The following HIRA variants were observed in gnomAD, a reference collection of about 807,000 sequenced individuals.
The protein encoded by HIRA is protein HIRA.
Under a neutral mutation model 126.6 loss-of-function variants are expected in HIRA, and 13 were observed. That is an observed-to-expected ratio of 0.10 (90% confidence interval 0.07 to 0.16). The LOEUF (loss-of-function observed/expected upper bound fraction) is 0.16. HIRA is among the 10% of genes least tolerant of loss of function. HIRA has a pLI of 1.00. For missense variants in HIRA, 834 were observed against 1,314.4 expected, an observed-to-expected ratio of 0.63 and a Z score of 5.65; for synonymous variants, 511 against 520.0, an observed-to-expected ratio of 0.98 and a Z score of 0.24.
At chr22:19,383,192 CTG>C (rs1282725479) in intron 13 of HIRA, among the ~76,000 whole-genome samples, 1 of 151,892 alleles carries the variant, frequency 6.6e-6, no homozygotes, top group Non-Finnish European at 1.5e-5. Context: ...TTAACAGTGA[CTG>C]TATCTGATTA....
chr22:19,382,784 T>C (rs1036822396), intron 13 of HIRA, among the ~76,000 whole-genome samples: 31 of 151,560 alleles, frequency 2.0e-4, no homozygotes, highest in Admixed American at 1.9e-3. Flanking sequence ...TTTTTTTTTT[T>C]TTTTGAATCA....
intron 24 of HIRA, among the ~76,000 whole-genome samples, chr22:19,347,418 A>G (rs1009981647): frequency 3.3e-5 from 5 of 152,244 alleles, no homozygotes; most frequent in Non-Finnish European, 7.3e-5. Context: ...ATCTGAGAAG[A>G]TATCACAAGC....
intron 24 of HIRA, among the ~76,000 whole-genome samples, chr22:19,336,454 T>C (rs1255219813): frequency 6.6e-6 from 1 of 152,214 alleles, no homozygotes; most frequent in South Asian, 2.1e-4. Flanking sequence ...CAGCAATTCA[T>C]AACAGAACAA....
rs565379763 is a variant in HIRA at position 19,366,331 on chromosome 22, C to T, written c.1776-4400G>A. Among the ~76,000 whole-genome samples the T allele has an allele frequency of 3.1e-4, 47 of 152,352 alleles. 1 individual carries two copies. The highest frequency in any genetic ancestry group is 1.1e-3 in the African/African-American group (45 of 41,578). On this transcript the variant is annotated intron_variant, in intron 15 of 24. Coordinates refer to ENST00000263208, the MANE Select transcript of HIRA (RefSeq NM_003325.4). ...GAGCCGAGACCGCACCACTGCACTC[C>T]AGCCTGGGCGACAGAGCGAGACTCC...
chr22:19,350,016 C>A (rs1556010327), intron 24 of HIRA, among the ~76,000 whole-genome samples: 6 of 150,208 alleles, frequency 4.0e-5, no homozygotes, highest in Admixed American at 4.0e-4. Context: ...GAGACGGAGT[C>A]TCGCTCTATT....
chr22:19,353,184 A>G (rs2088775536), intron 23 of HIRA, among the ~76,000 whole-genome samples, 172 bp downstream of exon 23: 1 of 152,208 alleles, frequency 6.6e-6, no homozygotes, highest in Admixed American at 6.5e-5. Context: ...TCAGAGCCTC[A>G]GAGCCTATAA....
rs147029958 is a variant in HIRA, at chr22:19,335,459, G to A, written c.2938-3903C>T. On this transcript the variant is annotated intron_variant, in intron 24 of 24. Transcript: ENST00000263208. ...GGGGTTTCGCCACGTTGGCCAGGCTGGTCTTGAACTCCTGGCCTCAAGTGA... is the reference window on the plus strand; with the variant it reads ...GGGGTTTCGCCACGTTGGCCAGGCTAGTCTTGAACTCCTGGCCTCAAGTGA... Among the ~76,000 whole-genome samples, 561 of 152,238 alleles carry A rather than the reference G, an allele frequency of 3.7e-3. 4 individuals carry two copies. The highest frequency in any genetic ancestry group is 0.013 in the African/African-American group (530 of 41,536).
At chr22:19,378,453 A>G (rs1442379351) in intron 13 of HIRA, among the ~76,000 whole-genome samples, 3 of 152,220 alleles carry the variant, frequency 2.0e-5, no homozygotes, top group African/African-American at 7.2e-5. Context: ...GGTGTGCCAT[A>G]ATATACCTAA....
intron 3 of HIRA, among the ~76,000 whole-genome samples, chr22:19,408,111 C>T (rs1165834787): frequency 4.6e-5 from 7 of 152,164 alleles, no homozygotes; most frequent in Non-Finnish European, 1.0e-4. Context: ...CCAAAAGGGT[C>T]CTGGCAGAGA....
intron 15 of HIRA, among the ~76,000 whole-genome samples, chr22:19,364,516 T>A (rs577546281): frequency 3.3e-5 from 5 of 152,330 alleles, no homozygotes; most frequent in South Asian, 4.1e-4. Flanking sequence ...TTTTGATAAT[T>A]CTCACAATAT....
chr22:19,373,478 A>T (rs2088986725), intron 15 of HIRA, among the ~76,000 whole-genome samples: 1 of 152,194 alleles, frequency 6.6e-6, no homozygotes, highest in African/African-American at 2.4e-5. Context: ...TATCAGTGGT[A>T]ATGCTGTACA....
rs370558448 is a variant in HIRA at position 19,387,731 on chromosome 22, G to T, written c.1093C>A (p.Pro365Thr). 1 of 1,613,758 alleles carries T rather than the reference G, an allele frequency of 6.2e-7. No homozygotes were observed. Among genetic ancestry groups the T allele is most frequent in the Non-Finnish European group, 8.5e-7 (1 of 1,179,940 alleles). ...CCTACCTTCTCCTCCTCGCTCAGGGGATCGCCAAGCTCATCCTGGGAGAAG... is the reference window on the plus strand; with the variant it reads ...CCTACCTTCTCCTCCTCGCTCAGGGTATCGCCAAGCTCATCCTGGGAGAAG... ...LDFSQDELGDPLSEEEKSRIH... is the reference protein window; with the variant it reads ...LDFSQDELGDTLSEEEKSRIH... Residue 365 changes from proline (P) to threonine (T), a missense_variant, in exon 11 of 25, where the codon CCC becomes ACC. Around this residue, in one of 5 missense-constraint regions of HIRA, gnomAD observed 153 missense variants for 270.6 expected, o/e 0.57. Coordinates refer to ENST00000263208, the MANE Select transcript of HIRA (RefSeq NM_003325.4).
At chr22:19,360,368 C>A (rs140195234) in intron 17 of HIRA, among the ~76,000 whole-genome samples, 1 of 152,168 alleles carries the variant, frequency 6.6e-6, no homozygotes, top group Non-Finnish European at 1.5e-5. Context: ...CACGTCTGAA[C>A]GCTGCTGACC....
chr22:19,391,710 G>C (rs553376259), intron 9 of HIRA, among the ~76,000 whole-genome samples: 43 of 152,236 alleles, frequency 2.8e-4, no homozygotes, highest in Non-Finnish European at 5.4e-4. Flanking sequence ...TCGAACTCCT[G>C]ACCTTGTGAT....
intron 1 of HIRA, chr22:19,430,221 C>T (rs1274720271): frequency 6.6e-6 from 1 of 152,170 alleles, no homozygotes; most frequent in Non-Finnish European, 1.5e-5. Flanking sequence ...CCTTCCATGC[C>T]AGGCAAAACA....
chr22:19,371,545 G>A (rs2088965298), intron 15 of HIRA, among the ~76,000 whole-genome samples: 1 of 151,972 alleles, frequency 6.6e-6, no homozygotes, highest in Non-Finnish European at 1.5e-5. Context: ...TATTCATAAG[G>A]TTAAGCAACC....
chr22:19,430,982 C>G (rs2089531654), intron 1 of HIRA, among the ~76,000 whole-genome samples: 1 of 152,218 alleles, frequency 6.6e-6, no homozygotes, highest in Non-Finnish European at 1.5e-5. Flanking sequence ...GGGGCACTGT[C>G]CCCAGATCCA....
chr22:19,400,520 G>A (rs1475690030), intron 5 of HIRA, among the ~76,000 whole-genome samples: 1 of 152,144 alleles, frequency 6.6e-6, no homozygotes, highest in East Asian at 1.9e-4. Flanking sequence ...GTTTTCATCC[G>A]TAACATTCTT....
intron 15 of HIRA, among the ~76,000 whole-genome samples, chr22:19,373,002 A>G (rs2088981428): frequency 6.6e-6 from 1 of 152,230 alleles, no homozygotes; most frequent in African/African-American, 2.4e-5. Flanking sequence ...CATTGTGTCC[A>G]GCCAAAAGTT....
Sources: allele counts gnomAD v4.1 joint callset (sites outside exome capture counted in the v4.1 genomes callset), GRCh38; gene constraint gnomAD v4.1.1; regional missense constraint gnomAD v4.1.1; transcripts MANE v1.5; gene names NCBI Gene and HGNC (gene_info 2026-07-23, HGNC 2026-07-21).